The following ZNRF3 variants were observed in gnomAD, a reference collection of about 807,000 sequenced individuals.
The protein encoded by ZNRF3 is zinc and ring finger 3.
A neutral mutation model predicts 72.5 loss-of-function variants in ZNRF3; 23 were observed. The observed-to-expected ratio is 0.32, with a 90% CI of 0.23 to 0.45. The LOEUF is 0.45. Among genes scored for constraint, ZNRF3 ranks in the 20% least tolerant of loss-of-function variants. The pLI, the probability that ZNRF3 is intolerant of heterozygous loss-of-function variation, is 1.00. For synonymous variants in ZNRF3, 610 were observed against 545.3 expected (o/e 1.12, Z -1.65); for missense variants, 1,169 against 1,272.1 (o/e 0.92, Z 1.23).
chr22:29,044,754 C>T, intron 4 of ZNRF3, 26 bp from the exon 5 acceptor site: 1 of 1,524,848 alleles, frequency 6.6e-7, no homozygotes, highest in Non-Finnish European at 9.1e-7. Context: ...GAGGCTGTGA[C>T]TCACTGTGTC....
At chr22:28,979,762 G>A (rs536966544) in intron 1 of ZNRF3, among the ~76,000 whole-genome samples, 2 of 152,340 alleles carry the variant, frequency 1.3e-5, no homozygotes, top group Admixed American at 1.3e-4. Context: ...TTGAGCACCT[G>A]TTGGGTGCAA....
At chr22:28,895,539 T>C (rs987616898) in intron 1 of ZNRF3, among the ~76,000 whole-genome samples, 7 of 151,192 alleles carry the variant, frequency 4.6e-5, no homozygotes, top group South Asian at 2.1e-4. Flanking sequence ...CAGTGGCGGG[T>C]GCCTGTAGTC....
chr22:29,011,234 T>C (rs1167146148), intron 2 of ZNRF3, among the ~76,000 whole-genome samples: 1 of 152,180 alleles, frequency 6.6e-6, no homozygotes, highest in African/African-American at 2.4e-5. Context: ...CAAGAAGAAA[T>C]GCTGTTGTGA....
Position 29,049,271 on chromosome 22 carries a change from C to G in ZNRF3, c.1090C>G (p.Leu364Val), listed in dbSNP as rs752388767. 2 of 1,613,860 alleles carry G rather than the reference C, an allele frequency of 1.2e-6. No homozygotes were observed. The highest frequency in any genetic ancestry group is 2.7e-5 in the African/African-American group (2 of 74,908). ...ACGTGGTCGGCAGCAGAGGGTGACC[C>G]TGCCGGTGCATTACCCCGGCCGCGT... is the stretch of plus-strand genomic sequence containing the variant. Reference protein sequence around the residue: ...LSRGRQQRVTLPVHYPGRVHR... With the variant: ...LSRGRQQRVTVPVHYPGRVHR... Residue 364 changes from leucine (L) to valine (V), a missense_variant, in exon 8 of 9, where the codon CTG becomes GTG. Coordinates refer to ENST00000544604, the MANE Select transcript of ZNRF3 (RefSeq NM_001206998.2). The surrounding 1 kb of genome is among the most constrained non-coding windows in gnomAD (Gnocchi z 5.2).
At chr22:29,035,294 C>T (rs921940156) in intron 2 of ZNRF3, among the ~76,000 whole-genome samples, 7 of 152,174 alleles carry the variant, frequency 4.6e-5, no homozygotes, top group Admixed American at 4.6e-4. Flanking sequence ...CAGAACCACT[C>T]ATGGCTATTA....
intron 1 of ZNRF3, among the ~76,000 whole-genome samples, chr22:28,948,012 T>G (rs2123792610): frequency 6.6e-6 from 1 of 151,682 alleles, no homozygotes; most frequent in Middle Eastern, 3.4e-3. Context: ...ACCCAGCTAA[T>G]TTTTGTATTT....
intron 1 of ZNRF3, among the ~76,000 whole-genome samples, chr22:28,924,820 G>A (rs1278775388): frequency 2.0e-5 from 3 of 152,192 alleles, no homozygotes; most frequent in Admixed American, 2.0e-4. Context: ...TAGAAAGGAA[G>A]CTCATCTGTC....
chr22:28,922,777 T>C (rs1440582357), intron 1 of ZNRF3, among the ~76,000 whole-genome samples: 1 of 152,236 alleles, frequency 6.6e-6, no homozygotes, highest in South Asian at 2.1e-4. Context: ...CCGATCTATA[T>C]GTGGCATGTT....
intron 1 of ZNRF3, among the ~76,000 whole-genome samples, chr22:28,901,249 G>A (rs769525759): frequency 4.6e-5 from 7 of 152,036 alleles, no homozygotes; most frequent in African/African-American, 7.3e-5. Context: ...TCTGCTCATC[G>A]GTCATAATGT....
In ZNRF3 at chr22:28,924,433, C is replaced by T. The variant is rs1218443195; in HGVS notation, c.300+40367C>T. Among the ~76,000 whole-genome samples, 3 of 152,270 alleles carry T rather than the reference C, an allele frequency of 2.0e-5. No individual in the cohort carries two copies. In the East Asian group the frequency reaches 5.8e-4, roughly 29 times the overall value. On this transcript the variant is annotated intron_variant, in intron 1 of 8. Coordinates refer to ENST00000544604, the MANE Select transcript of ZNRF3 (RefSeq NM_001206998.2). ...CAGGCTTTGGAACACACCTGGTGAG[C>T]CAGCTAGGAATTCAGATCAAAAAGT...
At chr22:29,010,430 A>G (rs969152054) in intron 2 of ZNRF3, among the ~76,000 whole-genome samples, 1 of 152,066 alleles carries the variant, frequency 6.6e-6, no homozygotes, top group Non-Finnish European at 1.5e-5. Flanking sequence ...TCAGAATTTT[A>G]TTCCTTTTTA....
intron 2 of ZNRF3, among the ~76,000 whole-genome samples, chr22:29,013,704 C>T (rs1459664671): frequency 6.6e-6 from 1 of 152,224 alleles, no homozygotes; most frequent in Non-Finnish European, 1.5e-5. Flanking sequence ...AACAGCTTGA[C>T]TCATTCCTGG....
rs983870916 is a variant in ZNRF3 at position 28,883,692 on chromosome 22, C to T, written c.-75C>T. On this transcript the variant is annotated 5_prime_UTR_variant, in exon 1 of 9. Coordinates refer to ENST00000544604, the MANE Select transcript of ZNRF3 (RefSeq NM_001206998.2). This position sits in a 1 kb window ranked among gnomAD's most constrained non-coding sequence, Gnocchi z 5.5. ...CCGTGATGGGGCTGTGAGGCGTCCGCCCGCGTTCGGTCCTCAGCCGGCCCG... is the reference window on the plus strand; with the variant it reads ...CCGTGATGGGGCTGTGAGGCGTCCGTCCGCGTTCGGTCCTCAGCCGGCCCG... 2 of 983,130 alleles carry T rather than the reference C, an allele frequency of 2.0e-6. No individual in the cohort carries two copies. The highest frequency in any genetic ancestry group is 2.4e-6 in the Non-Finnish European group (2 of 828,212). The allele number at this position is 983,130 out of a possible 1,614,324, so 60.9% of individuals were successfully genotyped here. A position where few individuals can be genotyped will look rare whatever the true frequency, so the allele number is the denominator to read the frequency against.
At position 29,015,397 on chromosome 22, in the gene ZNRF3, C is replaced by T. The variant is rs573009448; in HGVS notation, c.427-27098C>T. On this transcript the variant is annotated intron_variant, in intron 2 of 8. Transcript: ENST00000544604. ...AATATTCTTCCTTCCAGGCTGGGCA[C>T]GGTGGCTCATGCCTATAATCCCAAC... Among the ~76,000 whole-genome samples the T allele has an allele frequency of 4.6e-5, 7 of 152,212 alleles. No homozygotes were observed. The South Asian group carries it at 1.0e-3, about 23-fold the overall frequency.
intron 1 of ZNRF3, among the ~76,000 whole-genome samples, chr22:28,885,590 TAAAAAAA>T (rs34201242): frequency 9.7e-6 from 1 of 102,742 alleles, no homozygotes; most frequent in African/African-American, 3.5e-5. Flanking sequence ...TACAGCCTTC[TAAAAAAA>T]AAAAAAAAAA....
chr22:28,884,206 T>TGCGGGCGGGCAG lies in ZNRF3; in HGVS notation c.300+150_300+161dup, dbSNP rs1230525278. 7 of 619,472 alleles carry TGCGGGCGGGCAG rather than the reference T, an allele frequency of 1.1e-5. No homozygotes were observed. The East Asian group carries it at 8.6e-4, about 76-fold the overall frequency. 38.4% of individuals were successfully genotyped at this position (619,472 alleles called of 1,614,324 possible). A position where few individuals can be genotyped will look rare whatever the true frequency, so the allele number is the denominator to read the frequency against. On this transcript the variant is annotated intron_variant, in intron 1 of 8. Transcript: ENST00000544604. Reference sequence around the variant, plus strand: ...CGAGAGGCCGGCGGCATCCCTCCCCTGCGGGCGGGCAGGCGGGCGGGACGC... The same window carrying TGCGGGCGGGCAG: ...CGAGAGGCCGGCGGCATCCCTCCCCTGCGGGCGGGCAGGCGGGCGGGCAGGCGGGCGGGACGC...
chr22:29,039,784 CAAAA>C (rs397976678), intron 2 of ZNRF3, among the ~76,000 whole-genome samples: 1 of 85,312 alleles, frequency 1.2e-5, no homozygotes, highest in Non-Finnish European at 2.3e-5. Flanking sequence ...TCGTCTCTAC[CAAAA>C]AAAAAAAAAA....
chr22:28,883,978 G>T lies in ZNRF3; in HGVS notation c.212G>T (p.Ser71Ile), dbSNP rs1165561607. Residue 71 changes from serine (S) to isoleucine (I), a missense_variant, in exon 1 of 9, where the codon AGC (serine) becomes ATC (isoleucine). Ser to Ile is a moderately radical substitution (Grantham distance 142). Around this residue, in one of 2 missense-constraint regions of ZNRF3, gnomAD observed 386 missense variants for 540.7 expected, o/e 0.71. Coordinates refer to ENST00000544604, the MANE Select transcript of ZNRF3 (RefSeq NM_001206998.2). The surrounding 1 kb of genome is among the most constrained non-coding windows in gnomAD (Gnocchi z 5.5). Reference sequence around the variant, plus strand: ...GTGGTGCTGTTCGAGTCGAGCCCAAGCGGCGATTACACCACCTACACCACC... The same window carrying T: ...GTGGTGCTGTTCGAGTCGAGCCCAATCGGCGATTACACCACCTACACCACC... ...VEVVLFESSPSGDYTTYTTGL... is the reference protein window; with the variant it reads ...VEVVLFESSPIGDYTTYTTGL... 1.5e-6 allele frequency: 2 copies of T among 1,320,518 alleles called. No individual in the cohort carries two copies. Among genetic ancestry groups the T allele is most frequent in the South Asian group, 1.3e-5 (1 of 74,144 alleles). The allele number at this position is 1,320,518 out of a possible 1,614,324, so 81.8% of individuals were successfully genotyped here. A position where few individuals can be genotyped will look rare whatever the true frequency, so the allele number is the denominator to read the frequency against.
chr22:29,015,578 G>T (rs1244073837), intron 2 of ZNRF3, among the ~76,000 whole-genome samples: 1 of 151,900 alleles, frequency 6.6e-6, no homozygotes, highest in Non-Finnish European at 1.5e-5. Flanking sequence ...GCTGAGGTGG[G>T]AGGATCACTT....
Sources: allele counts gnomAD v4.1 joint callset (sites outside exome capture counted in the v4.1 genomes callset), GRCh38; gene constraint gnomAD v4.1.1; regional missense constraint gnomAD v4.1.1; non-coding constraint Gnocchi (gnomAD v3.1); transcripts MANE v1.5; gene names NCBI Gene and HGNC (gene_info 2026-07-23, HGNC 2026-07-21).